Variants in PLD1 observed in about 807,000 individuals in gnomAD.
The protein encoded by PLD1 is phospholipase D1.
In PLD1, 112 loss-of-function variants were observed where a neutral mutation model predicts 137.1. The observed-to-expected ratio is 0.82, with a 90% CI of 0.70 to 0.96. PLD1 has a LOEUF of 0.96. Ranked by LOEUF, PLD1 falls within the 40% of genes least tolerant of loss-of-function variation. The probability of loss-of-function intolerance (pLI) is 0.00; values close to 1 mark genes in which losing one functional copy is unlikely to be tolerated. For missense variants in PLD1, 1,321 were observed against 1,342.0 expected (o/e 0.98, Z 0.24); for synonymous variants, 431 against 454.7 (o/e 0.95, Z 0.66).
intron 6 of PLD1, among the ~76,000 whole-genome samples, chr3:171,731,706 C>T (rs4243417): frequency 2.4e-4 from 36 of 151,658 alleles, no homozygotes; most frequent in African/African-American, 7.3e-4. Flanking sequence ...CGGGAGGCGG[C>T]GGTTGCAGTG....
chr3:171,662,129 G>A lies in PLD1; in HGVS notation c.2271C>T (p.Tyr757=), dbSNP rs748315672. 21 of 1,613,468 alleles carry A rather than the reference G, an allele frequency of 1.3e-5. No individual in the cohort carries two copies. The highest frequency in any genetic ancestry group is 1.6e-5 in the Non-Finnish European group (19 of 1,179,532). The change falls in exon 20 of 27, where the codon TAC becomes TAT. Residue 757 remains tyrosine, a synonymous_variant. Coordinates refer to ENST00000351298, the MANE Select transcript of PLD1 (RefSeq NM_002662.5). ...SAADWSAGIK[Y]HEESIHAAYV... is the part of the protein sequence containing the mutation. ...AAGCGGCGTGGATGGACTCTTCATG[G>A]TACTTTATACCAGCAGACCAATCAG... is the stretch of plus-strand genomic sequence containing the variant.
At chr3:171,773,657 T>C (rs186348478) in intron 1 of PLD1, among the ~76,000 whole-genome samples, 1 of 152,150 alleles carries the variant, frequency 6.6e-6, no homozygotes, top group African/African-American at 2.4e-5. Flanking sequence ...AGCTATTATA[T>C]AAGCTCTTCC....
At chr3:171,665,481 A>G (rs1230011931) in intron 19 of PLD1, among the ~76,000 whole-genome samples, 1 of 152,108 alleles carries the variant, frequency 6.6e-6, no homozygotes, top group Non-Finnish European at 1.5e-5. Flanking sequence ...GGGCAGATCA[A>G]CTGAGGTCAG....
rs1320740128 is a variant in PLD1, at chr3:171,759,899, T to C, written c.-31-21817A>G. On this transcript the variant is annotated intron_variant, in intron 1 of 26. Coordinates refer to ENST00000351298, the MANE Select transcript of PLD1 (RefSeq NM_002662.5). Reference sequence around the variant, plus strand: ...TGATGTTCTAACAGAACAGTCTTACTGTCCTTTCGGTTATTGTCATTTCTC... The same window carrying C: ...TGATGTTCTAACAGAACAGTCTTACCGTCCTTTCGGTTATTGTCATTTCTC... Among the ~76,000 whole-genome samples the C allele has an allele frequency of 3.3e-5, 5 of 152,232 alleles. No individual in the cohort carries two copies. In the East Asian group the frequency reaches 9.6e-4, roughly 29 times the overall value.
At chr3:171,604,577 T>C (rs747556749) in intron 26 of PLD1, among the ~76,000 whole-genome samples, 8 of 152,222 alleles carry the variant, frequency 5.3e-5, no homozygotes, top group Non-Finnish European at 8.8e-5. Context: ...GATGGGCAAC[T>C]AGCTACTTTT....
chr3:171,669,881 T>C (rs1263458470), intron 19 of PLD1, among the ~76,000 whole-genome samples: 1 of 152,218 alleles, frequency 6.6e-6, no homozygotes, highest in Non-Finnish European at 1.5e-5. Context: ...GAAGTAATTT[T>C]CCCGAGGTTA....
At chr3:171,790,298 T>C (rs908040995) in intron 1 of PLD1, among the ~76,000 whole-genome samples, 3 of 152,016 alleles carry the variant, frequency 2.0e-5, no homozygotes, top group South Asian at 2.1e-4. Context: ...AGTCCCACAA[T>C]TGAGGAAGCC....
intron 13 of PLD1, among the ~76,000 whole-genome samples, chr3:171,689,621 CTCCT>C (rs1714948454): frequency 6.6e-6 from 1 of 152,084 alleles, no homozygotes; most frequent in Non-Finnish European, 1.5e-5. Context: ...CTGCCTCAGC[CTCCT>C]GAGTAGCTGG....
intron 16 of PLD1, among the ~76,000 whole-genome samples, chr3:171,678,710 G>A (rs1029628583): frequency 6.6e-6 from 1 of 152,124 alleles, no homozygotes; most frequent in African/African-American, 2.4e-5. Flanking sequence ...TAAAACCCTG[G>A]AAGGTTCACA....
At chr3:171,747,603 A>G (rs1392050745) in intron 1 of PLD1, among the ~76,000 whole-genome samples, 3 of 151,598 alleles carry the variant, frequency 2.0e-5, no homozygotes, top group African/African-American at 7.3e-5. Flanking sequence ...TGTTTTGTTC[A>G]TTGTTTTTTT....
intron 3 of PLD1, among the ~76,000 whole-genome samples, chr3:171,736,654 G>A (rs775583078): frequency 1.9e-4 from 29 of 152,130 alleles, no homozygotes; most frequent in Non-Finnish European, 2.2e-4. Context: ...GCAATGCAGC[G>A]CATGCCACCT....
At chr3:171,747,462 C>G (rs1177313105) in intron 1 of PLD1, among the ~76,000 whole-genome samples, 1 of 149,406 alleles carries the variant, frequency 6.7e-6, no homozygotes. Flanking sequence ...CCTCTCTTCT[C>G]TTCCTCTCTT....
chr3:171,635,254 A>C (rs997866519), intron 23 of PLD1, among the ~76,000 whole-genome samples: 8 of 152,106 alleles, frequency 5.3e-5, no homozygotes, highest in African/African-American at 1.7e-4. Context: ...TTTTGTGTGG[A>C]CATTTGTTTT....
chr3:171,757,262 G>A lies in PLD1; in HGVS notation c.-31-19180C>T, dbSNP rs559780147. ...AGAAATCATACTGGGAACTATTATC[G>A]TCTTTAAAAAACTACAAAAGTATGT... On this transcript the variant is annotated intron_variant, in intron 1 of 26. Transcript: ENST00000351298. 1.3e-3 allele frequency among the ~76,000 whole-genome samples: 199 copies of A among 152,138 alleles called. 2 individuals are homozygous for A. The highest frequency in any genetic ancestry group is 0.01 in the Middle Eastern group (3 of 294).
intron 6 of PLD1, 137 bp from the exon 7 acceptor site, chr3:171,726,213 A>T (rs1718493623): frequency 1.6e-6 from 1 of 634,378 alleles, no homozygotes; most frequent in Non-Finnish European, 2.8e-6. Flanking sequence ...TAATAATGGC[A>T]TTGCACTAAA....
chr3:171,677,729 G>A, intron 16 of PLD1, 35 bp from the exon 17 acceptor site: 1 of 1,599,978 alleles, frequency 6.3e-7, no homozygotes, highest in Non-Finnish European at 8.5e-7. Context: ...AGAGACTGTG[G>A]TTCAGGTGAG....
At chr3:171,697,049 T>C (rs1160322721) in intron 12 of PLD1, among the ~76,000 whole-genome samples, 1 of 152,118 alleles carries the variant, frequency 6.6e-6, no homozygotes, top group Non-Finnish European at 1.5e-5. Context: ...AACAAGCGCA[T>C]GCCAGCAAAC....
intron 21 of PLD1, among the ~76,000 whole-genome samples, chr3:171,656,300 A>G (rs898254250): frequency 2.0e-5 from 3 of 152,030 alleles, no homozygotes; most frequent in African/African-American, 7.3e-5. Context: ...CCACCTGAAC[A>G]GCTGGGACTA....
At chr3:171,677,540 C>A in intron 17 of PLD1, 26 bp downstream of exon 17, 1 of 1,607,436 alleles carries the variant, frequency 6.2e-7, no homozygotes, top group Non-Finnish European at 8.5e-7. Flanking sequence ...AAAATATAAC[C>A]AGCACCCCAC....
Sources: allele counts gnomAD v4.1 joint callset (sites outside exome capture counted in the v4.1 genomes callset), GRCh38; gene constraint gnomAD v4.1.1; transcripts MANE v1.5; gene names NCBI Gene and HGNC (gene_info 2026-07-23, HGNC 2026-07-21).